DNAH6: variants seen among roughly 807,000 people sequenced by gnomAD.
The protein encoded by DNAH6 is dynein axonemal heavy chain 6, also known as axonemal beta dynein heavy chain 6.
A neutral mutation model predicts 491.4 loss-of-function variants in DNAH6; 340 were observed. The observed-to-expected ratio is 0.69, with a 90% CI of 0.63 to 0.76. The LOEUF (loss-of-function observed/expected upper bound fraction) is 0.76. Among genes scored for constraint, DNAH6 ranks in the 30% least tolerant of loss-of-function variants. The pLI is 0.00. For synonymous variants in DNAH6, 1,603 were observed against 1,686.1 expected (o/e 0.95, Z 1.21); for missense variants, 4,443 against 4,972.2 (o/e 0.89, Z 3.20).
At chr2:84,687,959 G>A (rs569800022) in intron 44 of DNAH6, among the ~76,000 whole-genome samples, 22 of 152,204 alleles carry the variant, frequency 1.4e-4, no homozygotes, top group African/African-American at 4.6e-4. Context: ...ACCAGGTCGG[G>A]CGCAGTGTCT....
rs1203660800 is a variant in DNAH6, at chr2:84,816,815, A to T, written c.12373+732A>T. ...CTGAGATACAGCCCTGAAAAAAGAA[A>T]CCAGACAGAAAGAAAGCCACCTCAA... is the stretch of plus-strand genomic sequence containing the variant. On this transcript the variant is annotated intron_variant, in intron 76 of 76. Coordinates refer to ENST00000389394, the MANE Select transcript of DNAH6 (RefSeq NM_001370.2). Among the ~76,000 whole-genome samples the T allele has an allele frequency of 3.9e-5, 6 of 152,332 alleles. No individual in the cohort carries two copies. The East Asian group carries it at 1.2e-3, about 29-fold the overall frequency.
chr2:84,773,183 A>G (rs1013093392), intron 64 of DNAH6, among the ~76,000 whole-genome samples: 3 of 152,066 alleles, frequency 2.0e-5, no homozygotes, highest in Admixed American at 1.3e-4. Context: ...AGTAGTGAGC[A>G]TAATACCCAA....
intron 24 of DNAH6, among the ~76,000 whole-genome samples, chr2:84,620,577 T>C (rs1672039806): frequency 6.6e-6 from 1 of 152,134 alleles, no homozygotes; most frequent in Non-Finnish European, 1.5e-5. Context: ...AGGAACTGTG[T>C]AGGGAAATGC....
chr2:84,726,957 C>T (rs985998490), intron 60 of DNAH6, among the ~76,000 whole-genome samples: 7 of 152,158 alleles, frequency 4.6e-5, no homozygotes, highest in African/African-American at 1.7e-4. Flanking sequence ...TCAAAATTTC[C>T]AGGTAGGAAA....
At chr2:84,510,087 T>C in the DNAH6 span, among the ~76,000 whole-genome samples, 2 of 152,294 alleles carry the variant, frequency 1.3e-5, no homozygotes, top group East Asian at 3.9e-4. Flanking sequence ...ATCTTTGTGG[T>C]GTTCTCTGTA....
chr2:84,785,742 C>A lies in DNAH6; in HGVS notation c.11086C>A (p.His3696Asn). 6.5e-7 allele frequency: 1 copy of A among 1,540,598 alleles called. No homozygotes were observed. The highest frequency in any genetic ancestry group is 8.8e-7 in the Non-Finnish European group (1 of 1,142,854). Residue 3696 changes from histidine (H) to asparagine (N), a missense_variant, in exon 67 of 77, where the codon CAT becomes AAT. This residue lies in a region of DNAH6 where 1,463 missense variants were observed against 1,656.6 expected (regional missense o/e 0.88). Coordinates refer to ENST00000389394, the MANE Select transcript of DNAH6 (RefSeq NM_001370.2). The part of the protein sequence containing the change: ...RQIIFGICFF[H>N]AIIQERKKFG... ...AATAATATTTGGCATTTGTTTCTTC[C>A]ATGCAATTATTCAGGTACACTCAAC... is the stretch of plus-strand genomic sequence containing the variant.
chr2:84,739,993 T>C (rs1370469272), intron 62 of DNAH6, among the ~76,000 whole-genome samples: 1 of 152,098 alleles, frequency 6.6e-6, no homozygotes, highest in Non-Finnish European at 1.5e-5. Flanking sequence ...TTACTCCTCA[T>C]CTGAGAGAGC....
intron 65 of DNAH6, among the ~76,000 whole-genome samples, chr2:84,781,985 C>CTTA (rs1676741216): frequency 6.6e-6 from 1 of 152,116 alleles, no homozygotes; most frequent in Non-Finnish European, 1.5e-5. Flanking sequence ...AAATCCTTCC[C>CTTA]TATAAAATGA....
In DNAH6 at chr2:84,581,288, C is replaced by T. The variant is rs1682997267; in HGVS notation, c.2229+1609C>T. Among the ~76,000 whole-genome samples, 4 of 152,164 alleles carry T rather than the reference C, an allele frequency of 2.6e-5. No homozygotes were observed. The South Asian group carries it at 8.3e-4, about 31-fold the overall frequency. ...ATCTCCAGGAGGTTGTCTGTGTTTG[C>T]TGGGTGGTGTGTTTGGAAAGCAGCT... is the stretch of plus-strand genomic sequence containing the variant. On this transcript the variant is annotated intron_variant, in intron 14 of 76. Transcript: ENST00000389394.
chr2:84,462,806 G>A, the DNAH6 span, among the ~76,000 whole-genome samples: 1 of 152,190 alleles, frequency 6.6e-6, no homozygotes, highest in African/African-American at 2.4e-5. Context: ...CTAGAGAATT[G>A]CAATGGCAGG....
chr2:84,486,327 T>C, the DNAH6 span, among the ~76,000 whole-genome samples: 1 of 152,220 alleles, frequency 6.6e-6, no homozygotes, highest in African/African-American at 2.4e-5. Context: ...CAGTGGGGAA[T>C]AAGCTTGGGG....
At chr2:84,499,365 G>C in the DNAH6 span, among the ~76,000 whole-genome samples, 1 of 152,174 alleles carries the variant, frequency 6.6e-6, no homozygotes, top group African/African-American at 2.4e-5. Context: ...TGTTGCAAAT[G>C]ACTGGATCTC....
chr2:84,699,001 G>C (rs748898022), intron 47 of DNAH6, among the ~76,000 whole-genome samples: 1 of 152,058 alleles, frequency 6.6e-6, no homozygotes, highest in African/African-American at 2.4e-5. Flanking sequence ...CATAAAGTTG[G>C]GAACAATAGA....
chr2:84,710,694 G>A (rs536673112), intron 56 of DNAH6, among the ~76,000 whole-genome samples: 33 of 152,202 alleles, frequency 2.2e-4, no homozygotes, highest in Non-Finnish European at 3.4e-4. Flanking sequence ...TTGATGGTGA[G>A]CTGCGCTGAA....
chr2:84,725,440 G>T (rs1419190871), intron 60 of DNAH6, among the ~76,000 whole-genome samples: 1 of 152,142 alleles, frequency 6.6e-6, no homozygotes, highest in Admixed American at 6.5e-5. Flanking sequence ...AATTCCTAGA[G>T]GCAAGGGTTT....
At position 84,781,746 on chromosome 2, in the gene DNAH6, G is replaced by A; in HGVS notation, c.10864+93G>A. The A allele has an allele frequency of 3.7e-6, 5 of 1,367,134 alleles. No individual in the cohort carries two copies. In the East Asian group the frequency reaches 1.0e-4, roughly 28 times the overall value. 84.7% of individuals were successfully genotyped at this position (1,367,134 alleles called of 1,614,324 possible). A position where few individuals can be genotyped will look rare whatever the true frequency, so the allele number is the denominator to read the frequency against. On this transcript the variant is annotated intron_variant, in intron 65 of 76. Coordinates refer to ENST00000389394, the MANE Select transcript of DNAH6 (RefSeq NM_001370.2). ...TCCTTATAGTAATTCATTATTGTAG[G>A]CACTGTGTTTCCATATATGAAAGAG...
the DNAH6 span, among the ~76,000 whole-genome samples, chr2:84,472,881 C>T: frequency 1.3e-5 from 2 of 152,314 alleles, no homozygotes; most frequent in African/African-American, 4.8e-5. Context: ...TCATCAGTCA[C>T]ATTTCGAATT....
At chr2:84,688,204 C>T (rs1694469534) in intron 44 of DNAH6, among the ~76,000 whole-genome samples, 1 of 148,040 alleles carries the variant, frequency 6.8e-6, no homozygotes, top group Non-Finnish European at 1.5e-5. Flanking sequence ...CACTGCACCC[C>T]ACCCAGCCTG....
chr2:84,811,412 C>A (rs1258147561), intron 72 of DNAH6, among the ~76,000 whole-genome samples: 1 of 152,186 alleles, frequency 6.6e-6, no homozygotes, highest in East Asian at 1.9e-4. Context: ...GCAAACATCG[C>A]CCTGTACTCC....
Sources: allele counts gnomAD v4.1 joint callset (sites outside exome capture counted in the v4.1 genomes callset), GRCh38; gene constraint gnomAD v4.1.1; regional missense constraint gnomAD v4.1.1; transcripts MANE v1.5; gene names NCBI Gene and HGNC (gene_info 2026-07-23, HGNC 2026-07-21).